Variants in CTNNA2 observed in about 807,000 individuals in gnomAD.
CTNNA2 encodes the protein catenin alpha 2, also known as catenin alpha-2.
A neutral mutation model predicts 101.0 loss-of-function variants in CTNNA2; 42 were observed. The ratio of observed to expected loss-of-function variants is 0.42; its 90% CI spans 0.32 to 0.54. The LOEUF (loss-of-function observed/expected upper bound fraction) is 0.54, where lower values mean the gene tolerates loss of function less well. Among genes scored for constraint, CTNNA2 ranks in the 20% least tolerant of loss-of-function variants. CTNNA2 has a pLI of 0.14. For synonymous variants in CTNNA2, 450 were observed against 456.4 expected (o/e 0.99, Z 0.18); for missense variants, 871 against 1,223.1 (o/e 0.71, Z 4.29).
intron 7 of CTNNA2, among the ~76,000 whole-genome samples, chr2:79,948,828 C>T (rs1445725490): frequency 2.6e-5 from 4 of 151,988 alleles, no homozygotes; most frequent in Admixed American, 6.6e-5. Flanking sequence ...AATAGCCGGG[C>T]GTGGTGACGG....
chr2:79,446,351 C>G (rs1678833054), intron 4 of CTNNA2, among the ~76,000 whole-genome samples: 1 of 151,962 alleles, frequency 6.6e-6, no homozygotes, highest in Non-Finnish European at 1.5e-5. Flanking sequence ...GGGTGGTTTT[C>G]TAAGGATTTG....
chr2:79,837,599 C>T (rs571428264), intron 3 of CTNNA2, among the ~76,000 whole-genome samples: 2 of 152,164 alleles, frequency 1.3e-5, no homozygotes, highest in South Asian at 2.1e-4. Flanking sequence ...AAGATGCAAT[C>T]GTTGATTTTT....
At chr2:79,949,751 C>A (rs1354795045) in intron 7 of CTNNA2, among the ~76,000 whole-genome samples, 1 of 152,048 alleles carries the variant, frequency 6.6e-6, no homozygotes, top group African/African-American at 2.4e-5. Flanking sequence ...GCCCTCCAGC[C>A]TGGGTGAAAG....
chr2:79,370,539 G>A (rs984254642), intron 3 of CTNNA2, among the ~76,000 whole-genome samples: 5 of 151,966 alleles, frequency 3.3e-5, no homozygotes, highest in South Asian at 2.1e-4. Context: ...TGTGGGCTAC[G>A]AAGAAAAGGA....
At chr2:79,787,282 T>C (rs575472764) in intron 3 of CTNNA2, among the ~76,000 whole-genome samples, 11 of 152,278 alleles carry the variant, frequency 7.2e-5, no homozygotes, top group African/African-American at 2.2e-4. Context: ...AGCAACTTCA[T>C]AAAAAATCGA....
intron 7 of CTNNA2, among the ~76,000 whole-genome samples, chr2:80,212,644 A>G (rs1198753842): frequency 6.6e-6 from 1 of 152,178 alleles, no homozygotes; most frequent in African/African-American, 2.4e-5. Flanking sequence ...GGATTTTTGC[A>G]TCAATGTTCA....
chr2:80,469,787 G>T (rs142929937), intron 9 of CTNNA2, among the ~76,000 whole-genome samples: 1 of 152,110 alleles, frequency 6.6e-6, no homozygotes, highest in Non-Finnish European at 1.5e-5. Context: ...TAGGCAAGGG[G>T]CTTATGACAT....
chr2:79,283,514 G>A (rs1274651139), intron 2 of CTNNA2, among the ~76,000 whole-genome samples: 1 of 136,240 alleles, frequency 7.3e-6, no homozygotes. Context: ...ATTAAATAGG[G>A]AATCCTTTCC....
intron 9 of CTNNA2, among the ~76,000 whole-genome samples, chr2:80,510,876 T>C (rs1688652289): frequency 6.6e-6 from 1 of 152,180 alleles, no homozygotes; most frequent in Non-Finnish European, 1.5e-5. Flanking sequence ...TCTGTATCCA[T>C]AGCAGAAGAT....
At chr2:80,445,852 G>A (rs766291080) in intron 9 of CTNNA2, among the ~76,000 whole-genome samples, 2 of 152,158 alleles carry the variant, frequency 1.3e-5, no homozygotes, top group South Asian at 4.1e-4. Context: ...AGCTGGCTAA[G>A]CATGTAGCCG....
chr2:79,230,099 T>C (rs1674470116), intron 2 of CTNNA2, among the ~76,000 whole-genome samples: 1 of 152,226 alleles, frequency 6.6e-6, no homozygotes. Flanking sequence ...AATCCCTTTT[T>C]CTAAGGAGAA....
At chr2:80,383,292 T>G (rs1053962296) in intron 7 of CTNNA2, among the ~76,000 whole-genome samples, 1 of 152,186 alleles carries the variant, frequency 6.6e-6, no homozygotes, top group Non-Finnish European at 1.5e-5. Context: ...GACTCCATAT[T>G]TTCCAAATCA....
At chr2:80,110,367 A>G (rs1239012694) in intron 7 of CTNNA2, among the ~76,000 whole-genome samples, 1 of 152,076 alleles carries the variant, frequency 6.6e-6, no homozygotes, top group Admixed American at 6.6e-5. Context: ...AATGTAAGTA[A>G]TTTTTTCAGT....
At chr2:79,830,829 A>G (rs889505943) in intron 3 of CTNNA2, among the ~76,000 whole-genome samples, 5 of 152,172 alleles carry the variant, frequency 3.3e-5, no homozygotes, top group African/African-American at 1.2e-4. Context: ...ATATACTGAC[A>G]CTTCTCAGAG....
chr2:80,275,240 T>C (rs1358549448), intron 7 of CTNNA2, among the ~76,000 whole-genome samples: 1 of 152,198 alleles, frequency 6.6e-6, no homozygotes, highest in Non-Finnish European at 1.5e-5. Flanking sequence ...GCTCTTTTGT[T>C]GATCATACCA....
At chr2:80,474,419 T>C (rs753388181) in intron 9 of CTNNA2, among the ~76,000 whole-genome samples, 44 of 152,042 alleles carry the variant, frequency 2.9e-4, no homozygotes, top group Non-Finnish European at 5.1e-4. Context: ...TGTGTGAGGA[T>C]CCACCCCCAC....
intron 7 of CTNNA2, among the ~76,000 whole-genome samples, chr2:80,363,844 CA>C (rs1674652028): frequency 6.6e-6 from 1 of 152,108 alleles, no homozygotes; most frequent in Non-Finnish European, 1.5e-5. Context: ...GAATTTATAT[CA>C]ACCATTCATT....
At chr2:79,404,158 G>A (rs956484448) in intron 4 of CTNNA2, among the ~76,000 whole-genome samples, 1 of 151,592 alleles carries the variant, frequency 6.6e-6, no homozygotes, top group Non-Finnish European at 1.5e-5. Context: ...AAAAAAAAGG[G>A]CAATAGTGTA....
chr2:79,353,713 C>T (rs1036063838), intron 3 of CTNNA2, among the ~76,000 whole-genome samples: 1 of 151,966 alleles, frequency 6.6e-6, no homozygotes, highest in Non-Finnish European at 1.5e-5. Flanking sequence ...GTCATTGTGT[C>T]GTTAGCTTGT....
Sources: gnomAD v4.1 joint callset for allele counts (sites outside exome capture counted in the v4.1 genomes callset) on GRCh38, gnomAD v4.1.1 for gene constraint, MANE v1.5 for transcripts, NCBI Gene and HGNC (gene_info 2026-07-23, HGNC 2026-07-21) for gene names.